ATP9A: variants seen among roughly 807,000 people sequenced by gnomAD.
The protein encoded by ATP9A is ATPase phospholipid transporting 9A.
Under a neutral mutation model 144.1 loss-of-function variants are expected in ATP9A, and 52 were observed. That is an observed-to-expected ratio of 0.36 (90% CI 0.29 to 0.45). The LOEUF (loss-of-function observed/expected upper bound fraction) is 0.45, where lower values mean the gene tolerates loss of function less well. Ranked by LOEUF, ATP9A falls within the 20% of genes least tolerant of loss-of-function variation. ATP9A has a pLI of 1.00. For synonymous variants in ATP9A, 582 were observed against 557.4 expected (o/e 1.04, Z -0.62); for missense variants, 947 against 1,392.7 (o/e 0.68, Z 5.09).
At chr20:51,727,349 G>A (rs546921419) in intron 2 of ATP9A, among the ~76,000 whole-genome samples, 2 of 151,838 alleles carry the variant, frequency 1.3e-5, no homozygotes, top group African/African-American at 4.8e-5. Context: ...ACTTTGGGAG[G>A]GCGAGGTTGG....
chr20:51,605,750 T>C (rs1158285871), intron 26 of ATP9A, among the ~76,000 whole-genome samples: 2 of 150,802 alleles, frequency 1.3e-5, no homozygotes, highest in African/African-American at 4.9e-5. Context: ...CTGTCTCTAC[T>C]AGAAATACAA....
intron 4 of ATP9A, among the ~76,000 whole-genome samples, chr20:51,703,186 T>C (rs1490925247): frequency 3.9e-5 from 6 of 152,078 alleles, no homozygotes; most frequent in Non-Finnish European, 5.9e-5. Flanking sequence ...CCACCACAAT[T>C]TTCATTTTTC....
At chr20:51,766,763 C>G (rs2077905804) in intron 1 of ATP9A, among the ~76,000 whole-genome samples, 1 of 152,026 alleles carries the variant, frequency 6.6e-6, no homozygotes. Context: ...TTGCTTGAAC[C>G]CGGGAGGCGG....
chr20:51,674,239 G>A lies in ATP9A; in HGVS notation c.951C>T (p.Val317=). The change falls in exon 11 of 28, where the codon GTC becomes GTT. Residue 317 remains valine, a synonymous_variant. Coordinates refer to ENST00000338821, the MANE Select transcript of ATP9A (RefSeq NM_006045.3). ...LFGALVVVSL[V]MVALQHFAGR... is the part of the protein sequence containing the mutation. ...CTGCAAAGTGCTGAAGGGCAACCAT[G>A]ACCAGCGAGACCACCACCAGGGCAC... The A allele has an allele frequency of 6.2e-7, 1 of 1,613,946 alleles. No homozygotes were observed. Among genetic ancestry groups the A allele is most frequent in the Non-Finnish European group, 8.5e-7 (1 of 1,180,010 alleles).
intron 2 of ATP9A, among the ~76,000 whole-genome samples, chr20:51,726,237 C>G (rs183272445): frequency 2.8e-5 from 4 of 143,776 alleles, no homozygotes; most frequent in African/African-American, 1.0e-4. Context: ...TGCTTGAACC[C>G]GGGAGGAGGA....
chr20:51,767,583 C>T (rs955739020), intron 1 of ATP9A, among the ~76,000 whole-genome samples: 3 of 152,210 alleles, frequency 2.0e-5, no homozygotes, highest in East Asian at 1.9e-4. Flanking sequence ...AAGCTGCCCT[C>T]GGGGTCTCCT....
At chr20:51,747,304 C>T (rs891695100) in intron 1 of ATP9A, among the ~76,000 whole-genome samples, 1 of 152,050 alleles carries the variant, frequency 6.6e-6, no homozygotes, top group Non-Finnish European at 1.5e-5. Context: ...AGCTCAGGTC[C>T]TCTGACCCAG....
intron 4 of ATP9A, among the ~76,000 whole-genome samples, chr20:51,699,463 T>G (rs539106305): frequency 6.6e-6 from 1 of 152,302 alleles, no homozygotes; most frequent in South Asian, 2.1e-4. Context: ...ATTTTTTAAG[T>G]ATTTCACTAC....
At chr20:51,605,120 G>T in intron 26 of ATP9A, 100 bp from the exon 27 acceptor site, 2 of 1,039,406 alleles carry the variant, frequency 1.9e-6, no homozygotes, top group Non-Finnish European at 2.7e-6. Context: ...ATTTAGACAT[G>T]AAAGGCATCA....
intron 3 of ATP9A, among the ~76,000 whole-genome samples, chr20:51,716,494 A>AG (rs2077662421): frequency 6.6e-6 from 1 of 150,756 alleles, no homozygotes; most frequent in Non-Finnish European, 1.5e-5. Context: ...GAAACAGAAA[A>AG]AAAAAAAAAA....
intron 23 of ATP9A, among the ~76,000 whole-genome samples, chr20:51,610,724 C>A (rs1387799581): frequency 6.6e-6 from 1 of 152,084 alleles, no homozygotes; most frequent in Non-Finnish European, 1.5e-5. Context: ...CGCTGCTAAC[C>A]AAAGTGCCGT....
intron 11 of ATP9A, among the ~76,000 whole-genome samples, chr20:51,673,871 G>A (rs2077466426): frequency 6.6e-6 from 1 of 152,026 alleles, no homozygotes; most frequent in Admixed American, 6.6e-5. Context: ...CAAACATGGT[G>A]AAACCCCATC....
intron 9 of ATP9A, among the ~76,000 whole-genome samples, chr20:51,680,824 A>G (rs2122801596): frequency 6.6e-6 from 1 of 152,244 alleles, no homozygotes; most frequent in African/African-American, 2.4e-5. Context: ...ATGCAGGGGA[A>G]ACTGAGGCCA....
At chr20:51,741,040 T>TAATTAAAAATAAATTTTAATTAATC (rs1336374930) in intron 1 of ATP9A, among the ~76,000 whole-genome samples, 2 of 151,742 alleles carry the variant, frequency 1.3e-5, no homozygotes, top group Non-Finnish European at 2.9e-5. Flanking sequence ...TTAATTTAAT[T>TAATTAAAAATAAATTTTAATTAATC]AATTAAAAAT....
At chr20:51,614,476 T>C (rs563658229) in intron 22 of ATP9A, among the ~76,000 whole-genome samples, 3 of 152,004 alleles carry the variant, frequency 2.0e-5, no homozygotes, top group African/African-American at 7.2e-5. Flanking sequence ...AATTTAGTTA[T>C]TTTTGGTAGA....
intron 3 of ATP9A, among the ~76,000 whole-genome samples, chr20:51,725,522 A>G (rs1046306106): frequency 5.9e-5 from 9 of 152,346 alleles, no homozygotes; most frequent in African/African-American, 1.7e-4. Context: ...CTGTGTTCCC[A>G]GAGTCTAGAC....
intron 4 of ATP9A, among the ~76,000 whole-genome samples, chr20:51,699,333 CAAA>C (rs74175569): frequency 4.4e-4 from 31 of 70,464 alleles, no homozygotes; most frequent in Non-Finnish European, 4.6e-4. Context: ...AACTCAATCT[CAAA>C]AAAAAAAAAA....
At chr20:51,601,865 C>G (rs1327725199) in intron 27 of ATP9A, among the ~76,000 whole-genome samples, 2 of 151,972 alleles carry the variant, frequency 1.3e-5, no homozygotes, top group East Asian at 3.9e-4. Flanking sequence ...CAACATTGCA[C>G]CACCGCACTC....
chr20:51,652,924 C>T (rs539205660), intron 14 of ATP9A, among the ~76,000 whole-genome samples: 47 of 151,974 alleles, frequency 3.1e-4, no homozygotes, highest in East Asian at 2.5e-3. Context: ...CTGGCTAACA[C>T]GGTGAAACCC....
Sources: gnomAD v4.1 joint callset for allele counts (sites outside exome capture counted in the v4.1 genomes callset) on GRCh38, gnomAD v4.1.1 for gene constraint, MANE v1.5 for transcripts, NCBI Gene and HGNC (gene_info 2026-07-23, HGNC 2026-07-21) for gene names.